WWTR1: variants seen among roughly 807,000 people sequenced by gnomAD.
The protein encoded by WWTR1 is WW domain containing transcription regulator 1.
A neutral mutation model predicts 40.1 loss-of-function variants in WWTR1; 13 were observed. The ratio of observed to expected loss-of-function variants is 0.32; its 90% CI spans 0.21 to 0.52. The LOEUF is 0.52. Among genes scored for constraint, WWTR1 ranks in the 20% least tolerant of loss-of-function variants. The probability of loss-of-function intolerance (pLI) is 0.97; values close to 1 mark genes in which losing one functional copy is unlikely to be tolerated. For missense variants in WWTR1, 436 were observed against 523.1 expected (o/e 0.83, Z 1.63); for synonymous variants, 230 against 210.1 (o/e 1.09, Z -0.82).
At chr3:149,607,562 C>T (rs1243654440) in intron 2 of WWTR1, among the ~76,000 whole-genome samples, 1 of 152,218 alleles carries the variant, frequency 6.6e-6, no homozygotes, top group Non-Finnish European at 1.5e-5. Context: ...GATCCGCCCG[C>T]CTCGGCCTCC....
chr3:149,530,605 TTG>T (rs927044210), intron 4 of WWTR1, among the ~76,000 whole-genome samples: 1 of 151,634 alleles, frequency 6.6e-6, no homozygotes, highest in African/African-American at 2.4e-5. Flanking sequence ...AAAATAATGC[TTG>T]TGTGTGTCTA....
At chr3:149,628,003 G>A (rs1740652431) in intron 2 of WWTR1, among the ~76,000 whole-genome samples, 1 of 151,600 alleles carries the variant, frequency 6.6e-6, no homozygotes, top group Non-Finnish European at 1.5e-5. Context: ...AACCTGGGAG[G>A]TGGGGGTTGC....
At chr3:149,723,378 G>A (rs1258871087) in intron 4 of WWTR1, among the ~76,000 whole-genome samples, 1 of 151,770 alleles carries the variant, frequency 6.6e-6, no homozygotes, top group Non-Finnish European at 1.5e-5. Context: ...AGTAGAGACG[G>A]GGTTTCTCCG....
At chr3:149,679,448 C>G (rs1008345530) in intron 1 of WWTR1, among the ~76,000 whole-genome samples, 1 of 152,166 alleles carries the variant, frequency 6.6e-6, no homozygotes, top group African/African-American at 2.4e-5. Flanking sequence ...CCTCTTTTCT[C>G]TGTACTGTTC....
At chr3:149,693,477 A>AG (rs1355944511) in intron 1 of WWTR1, among the ~76,000 whole-genome samples, 2 of 151,966 alleles carry the variant, frequency 1.3e-5, no homozygotes, top group African/African-American at 4.8e-5. Flanking sequence ...ACAGAAAAAA[A>AG]AATCCTAAAA....
intron 2 of WWTR1, among the ~76,000 whole-genome samples, chr3:149,629,948 G>T (rs893956149): frequency 1.3e-5 from 2 of 152,080 alleles, no homozygotes; most frequent in Non-Finnish European, 2.9e-5. Flanking sequence ...CATGACTCAA[G>T]CGATCCTCCC....
intron 2 of WWTR1, among the ~76,000 whole-genome samples, chr3:149,639,257 C>T (rs62269359): frequency 4.0e-4 from 61 of 152,300 alleles, no homozygotes; most frequent in Admixed American, 7.2e-4. Flanking sequence ...GGCCAGAGTA[C>T]GGTGGTGCAA....
At chr3:149,708,549 C>T (rs1715390965) in intron 5 of WWTR1, among the ~76,000 whole-genome samples, 1 of 152,178 alleles carries the variant, frequency 6.6e-6, no homozygotes, top group African/African-American at 2.4e-5. Flanking sequence ...CTCTAGGTAT[C>T]TCATATAAGT....
At chr3:149,624,601 C>G (rs752735576) in intron 2 of WWTR1, among the ~76,000 whole-genome samples, 4 of 152,202 alleles carry the variant, frequency 2.6e-5, no homozygotes, top group Non-Finnish European at 4.4e-5. Context: ...TATATAAGAT[C>G]AAGTTTGCTG....
chr3:149,584,075 T>C (rs989085587), intron 2 of WWTR1, among the ~76,000 whole-genome samples: 1 of 152,248 alleles, frequency 6.6e-6, no homozygotes, highest in East Asian at 1.9e-4. Context: ...ATGCTCTCTG[T>C]GCCTAACACG....
Position 149,519,769 on chromosome 3 carries a change from C to T in WWTR1, c.*1036G>A, listed in dbSNP as rs1734954762. ...ACAGCCTGACCATTATGGTGAAACC[C>T]CGTCTCTACTCAAAATACAAAAAAT... On this transcript the variant is annotated 3_prime_UTR_variant, in exon 7 of 7. Coordinates refer to ENST00000360632, the MANE Select transcript of WWTR1 (RefSeq NM_015472.6). The T allele has an allele frequency of 6.6e-6, 1 of 152,126 alleles. No individual in the cohort carries two copies. Among genetic ancestry groups the T allele is most frequent in the Non-Finnish European group, 1.5e-5 (1 of 68,058 alleles). The allele number at this position is 152,126 out of a possible 1,614,324, so 9.4% of individuals were successfully genotyped here. A position where few individuals can be genotyped will look rare whatever the true frequency, so the allele number is the denominator to read the frequency against.
In WWTR1 at chr3:149,519,125, A is replaced by G. The variant is rs767631952; in HGVS notation, c.*1680T>C. The G allele has an allele frequency of 5.3e-5, 8 of 152,186 alleles. No individual in the cohort carries two copies. The highest frequency in any genetic ancestry group is 8.8e-5 in the Non-Finnish European group (6 of 68,034). 9.4% of individuals were successfully genotyped at this position (152,186 alleles called of 1,614,324 possible). On this transcript the variant is annotated 3_prime_UTR_variant, in exon 7 of 7. Transcript: ENST00000360632. The stretch of plus-strand genomic sequence containing the variant: ...AGATTAAATTCATAGATTATAAATA[A>G]TATTAGTTCAAAATATTAAACAGTT...
At chr3:149,601,391 C>T (rs924791736) in intron 2 of WWTR1, among the ~76,000 whole-genome samples, 3 of 152,058 alleles carry the variant, frequency 2.0e-5, no homozygotes, top group African/African-American at 7.2e-5. Context: ...AAAGAGGGGG[C>T]TTCACTGTGT....
intron 3 of WWTR1, among the ~76,000 whole-genome samples, chr3:149,543,203 G>C (rs1364272037): frequency 2.0e-5 from 3 of 152,176 alleles, no homozygotes; most frequent in Non-Finnish European, 4.4e-5. Context: ...TGTTGTGCCT[G>C]GATAAACGCA....
At chr3:149,527,149 TTTTC>T (rs201316901) in intron 5 of WWTR1, among the ~76,000 whole-genome samples, 1 of 88,160 alleles carries the variant, frequency 1.1e-5, no homozygotes, top group Non-Finnish European at 2.9e-5. Context: ...ATCTCTTTTC[TTTTC>T]TTTCTTTTTT....
At chr3:149,708,243 T>C (rs1715383551), upstream of WWTR1, among the ~76,000 whole-genome samples, 1 of 151,992 alleles carries the variant, frequency 6.6e-6, no homozygotes, top group African/African-American at 2.4e-5. Context: ...CTGACAACAT[T>C]TTTTTTCTTG....
At chr3:149,545,565 A>T (rs1736327201) in intron 3 of WWTR1, among the ~76,000 whole-genome samples, 1 of 152,230 alleles carries the variant, frequency 6.6e-6, no homozygotes, top group Non-Finnish European at 1.5e-5. Context: ...TCTATCACCC[A>T]GGCTGGAGTG....
intron 2 of WWTR1, among the ~76,000 whole-genome samples, chr3:149,664,646 T>C (rs1713728710): frequency 1.3e-5 from 2 of 151,002 alleles, no homozygotes; most frequent in Admixed American, 1.3e-4. Flanking sequence ...TGTAGTGCAA[T>C]GGCGCCATCT....
At chr3:149,630,512 CT>C (rs1205381649) in intron 2 of WWTR1, among the ~76,000 whole-genome samples, 1 of 152,176 alleles carries the variant, frequency 6.6e-6, no homozygotes, top group African/African-American at 2.4e-5. Context: ...AGAATTTCTT[CT>C]TGCCTTTCCT....
Sources: allele counts gnomAD v4.1 joint callset (sites outside exome capture counted in the v4.1 genomes callset), GRCh38; gene constraint gnomAD v4.1.1; transcripts MANE v1.5; gene names NCBI Gene and HGNC (gene_info 2026-07-23, HGNC 2026-07-21).